The following ZC3H12B variants were observed in gnomAD, a reference collection of about 807,000 sequenced individuals.
The protein encoded by ZC3H12B is zinc finger CCCH-type containing 12B.
Under a neutral mutation model 43.9 loss-of-function variants are expected in ZC3H12B, and 7 were observed. The observed-to-expected ratio is 0.16, with a 90% CI of 0.09 to 0.30. The LOEUF (loss-of-function observed/expected upper bound fraction) is 0.30, where lower values mean the gene tolerates loss of function less well. Ranked by LOEUF, ZC3H12B falls within the 10% of genes least tolerant of loss-of-function variation. ZC3H12B has a pLI of 1.00. For missense variants in ZC3H12B, 475 were observed against 670.2 expected, an observed-to-expected ratio of 0.71 and a Z score of 3.22; for synonymous variants, 222 against 241.7, an observed-to-expected ratio of 0.92 and a Z score of 0.76.
At chrX:65,502,551 G>A (rs1477656531) in exon 5 of ZC3H12B, 12 of 1,208,563 alleles carry the variant, frequency 9.9e-6, no homozygotes, top group African/African-American at 1.8e-5. Flanking sequence ...AAGCTGCACC[G>A]CTCAGCATCC....
exon 5 of ZC3H12B, chrX:65,505,246 T>C (rs199906454): frequency 1.8e-5 from 2 of 112,535 alleles, no homozygotes; most frequent in East Asian, 5.6e-4. Context: ...CTTGGCCTTT[T>C]GTTTCTTCAT....
the ZC3H12B span, among the ~76,000 whole-genome samples, chrX:65,255,933 G>A: frequency 8.9e-6 from 1 of 112,137 alleles, no homozygotes; most frequent in East Asian, 2.8e-4. Context: ...AATCAAAAAA[G>A]TCAAAGAAGG....
At chrX:65,363,989 C>T (rs770578302), upstream of ZC3H12B, among the ~76,000 whole-genome samples, 3 of 111,179 alleles carry the variant, frequency 2.7e-5, no homozygotes, top group Admixed American at 2.9e-4. Flanking sequence ...CCTGATACCA[C>T]ACCTGACCCC....
At chrX:65,279,409 T>A in the ZC3H12B span, among the ~76,000 whole-genome samples, 1 of 109,762 alleles carries the variant, frequency 9.1e-6, no homozygotes, top group African/African-American at 3.3e-5. Flanking sequence ...TGAGCTTTTT[T>A]CATATGATTG....
At chrX:65,361,605 T>G in the ZC3H12B span, among the ~76,000 whole-genome samples, 3 of 111,475 alleles carry the variant, frequency 2.7e-5, no homozygotes, top group Admixed American at 9.5e-5. Flanking sequence ...GCATTTAGAC[T>G]CTTTTTCATC....
intron 3 of ZC3H12B, among the ~76,000 whole-genome samples, chrX:65,472,916 A>T (rs1171623582): frequency 1.1e-5 from 1 of 90,261 alleles, no homozygotes; most frequent in African/African-American, 4.1e-5. Flanking sequence ...GTTTATATAT[A>T]TGTTTGTGTA....
At chrX:65,372,311 G>A (rs1173759069) in intron 2 of ZC3H12B, among the ~76,000 whole-genome samples, 2 of 111,646 alleles carry the variant, frequency 1.8e-5, no homozygotes, top group African/African-American at 6.5e-5. Context: ...TGCATTCCAA[G>A]CCTTCCAAGT....
At chrX:65,235,606 G>C in the ZC3H12B span, among the ~76,000 whole-genome samples, 1 of 111,106 alleles carries the variant, frequency 9.0e-6, no homozygotes, top group African/African-American at 3.3e-5. Context: ...TGCCTGCTGT[G>C]GCTCTGCACT....
At chrX:65,437,377 C>G (rs1416767480) in intron 3 of ZC3H12B, among the ~76,000 whole-genome samples, 4 of 111,945 alleles carry the variant, frequency 3.6e-5, no homozygotes, top group Admixed American at 1.9e-4. Context: ...GTTTTAATTC[C>G]AACAAATAAC....
At chrX:65,214,381 T>G in the ZC3H12B span, among the ~76,000 whole-genome samples, 1 of 112,213 alleles carries the variant, frequency 8.9e-6, no homozygotes, top group Non-Finnish European at 1.9e-5. Flanking sequence ...TTTTGCTGCT[T>G]CTTTATGAAC....
At chrX:65,411,198 A>G (rs912609154) in intron 3 of ZC3H12B, among the ~76,000 whole-genome samples, 2 of 112,343 alleles carry the variant, frequency 1.8e-5, no homozygotes, top group Non-Finnish European at 3.8e-5. Flanking sequence ...AAAATAAGCC[A>G]GGCACAGACT....
At chrX:65,118,788 C>T in the ZC3H12B span, among the ~76,000 whole-genome samples, 30 of 102,306 alleles carry the variant, frequency 2.9e-4, no homozygotes, top group African/African-American at 9.0e-4. Context: ...TGTCCTAATG[C>T]TATCCCTCCC....
the ZC3H12B span, chrX:65,328,637 T>C: frequency 7.7e-6 from 1 of 130,178 alleles, no homozygotes; most frequent in African/African-American, 3.4e-5. Flanking sequence ...CATGTTTGTG[T>C]GCTGCACCCA....
chrX:65,437,497 T>C (rs1044852260), intron 3 of ZC3H12B, among the ~76,000 whole-genome samples: 3 of 112,721 alleles, frequency 2.7e-5, no homozygotes, highest in Non-Finnish European at 3.7e-5. Flanking sequence ...TGATCTTCAA[T>C]AATGTCAAGC....
the ZC3H12B span, among the ~76,000 whole-genome samples, chrX:65,133,817 GAGAA>G: frequency 8.1e-5 from 9 of 110,434 alleles, no homozygotes; most frequent in South Asian, 2.7e-3. Flanking sequence ...ACAGACAGGA[GAGAA>G]AGAAGAAAGA....
At chrX:65,227,026 G>T in the ZC3H12B span, among the ~76,000 whole-genome samples, 1 of 111,076 alleles carries the variant, frequency 9.0e-6, no homozygotes, top group African/African-American at 3.3e-5. Context: ...TCTGCACCAA[G>T]CGGACCTAAT....
chrX:65,442,849 C>T (rs1224083577), intron 3 of ZC3H12B, among the ~76,000 whole-genome samples: 2 of 111,773 alleles, frequency 1.8e-5, no homozygotes, highest in East Asian at 5.6e-4. Context: ...TAACAGGGAA[C>T]TGCCAAGCCT....
chrX:65,186,581 G>A, the ZC3H12B span: 1 of 106,702 alleles, frequency 9.4e-6, no homozygotes, highest in Non-Finnish European at 1.9e-5. Flanking sequence ...GTGGTGTTTG[G>A]TTACATGAAT....
chrX:65,213,303 G>C, the ZC3H12B span, among the ~76,000 whole-genome samples: 1 of 109,862 alleles, frequency 9.1e-6, no homozygotes, highest in Non-Finnish European at 1.9e-5. Context: ...CACTCCTTTA[G>C]TGATGGGCAC....
Sources: gnomAD v4.1 joint callset for allele counts (sites outside exome capture counted in the v4.1 genomes callset) on GRCh38, gnomAD v4.1.1 for gene constraint, MANE v1.5 for transcripts, NCBI Gene and HGNC (gene_info 2026-07-23, HGNC 2026-07-21) for gene names.